KIAA1217: variants seen among roughly 807,000 people sequenced by gnomAD.
The protein encoded by KIAA1217 is sickle tail protein homolog.
A neutral mutation model predicts 163.9 loss-of-function variants in KIAA1217; 88 were observed. The observed-to-expected ratio is 0.54, with a 90% CI of 0.45 to 0.64. The LOEUF (loss-of-function observed/expected upper bound fraction) is 0.64. Among genes scored for constraint, KIAA1217 ranks in the 30% least tolerant of loss-of-function variants. The pLI, the probability that KIAA1217 is intolerant of heterozygous loss-of-function variation, is 0.00. For missense variants in KIAA1217, 2,372 were observed against 2,475.0 expected (o/e 0.96, Z 0.88); for synonymous variants, 903 against 923.1 (o/e 0.98, Z 0.39).
chr10:23,953,398 C>T (rs1844425089), intron 1 of KIAA1217, among the ~76,000 whole-genome samples: 1 of 152,086 alleles, frequency 6.6e-6, no homozygotes, highest in Non-Finnish European at 1.5e-5. Flanking sequence ...CTCAACATAC[C>T]AAGGAAAGGG....
chr10:24,247,122 T>C (rs1196776464), intron 2 of KIAA1217, among the ~76,000 whole-genome samples: 1 of 76,218 alleles, frequency 1.3e-5, no homozygotes, highest in African/African-American at 9.3e-5. Flanking sequence ...TTATTTTCTT[T>C]TCTTTTTTTT....
intron 3 of KIAA1217, among the ~76,000 whole-genome samples, chr10:24,429,154 C>T (rs1043542655): frequency 2.0e-5 from 3 of 152,100 alleles, no homozygotes; most frequent in African/African-American, 7.2e-5. Flanking sequence ...AAAGGCATTG[C>T]TCCATTATCT....
intron 1 of KIAA1217, among the ~76,000 whole-genome samples, chr10:23,893,919 G>A (rs1007835656): frequency 1.3e-5 from 2 of 151,856 alleles, no homozygotes; most frequent in African/African-American, 4.8e-5. Context: ...TGCAGAAAAG[G>A]CCTTTGACAA....
chr10:23,807,075 G>A (rs1352656201), intron 1 of KIAA1217, among the ~76,000 whole-genome samples: 1 of 152,236 alleles, frequency 6.6e-6, no homozygotes, highest in Non-Finnish European at 1.5e-5. Flanking sequence ...AGAGCAGGGA[G>A]CTAAGCTCTG....
At chr10:23,721,378 T>A (rs980475979) in intron 1 of KIAA1217, among the ~76,000 whole-genome samples, 7 of 152,230 alleles carry the variant, frequency 4.6e-5, no homozygotes, top group Non-Finnish European at 1.0e-4. Context: ...CTGACTCTGA[T>A]GGACCCCACG....
chr10:24,316,691 C>G lies in KIAA1217; in HGVS notation c.355-64178C>G, dbSNP rs143946751. ...ATGGGGGCTGAGACTACAGGATACC[C>G]CATCCCATTTCTGTCCTCTGTCCTT... On this transcript the variant is annotated intron_variant, in intron 2 of 20. Coordinates refer to ENST00000376454, the MANE Select transcript of KIAA1217 (RefSeq NM_019590.5). Among the ~76,000 whole-genome samples the G allele has an allele frequency of 2.2e-3, 334 of 152,240 alleles. 1 individual carries two copies. The highest frequency in any genetic ancestry group is 3.7e-3 in the Non-Finnish European group (255 of 68,004).
chr10:24,066,609 C>T (rs2060958030), intron 2 of KIAA1217, among the ~76,000 whole-genome samples: 1 of 152,108 alleles, frequency 6.6e-6, no homozygotes, highest in Admixed American at 6.6e-5. Context: ...GTGAATCTGA[C>T]AATTATGTGT....
intron 2 of KIAA1217, among the ~76,000 whole-genome samples, chr10:24,137,639 G>T (rs1187360574): frequency 6.6e-6 from 1 of 152,184 alleles, no homozygotes; most frequent in Non-Finnish European, 1.5e-5. Context: ...TACATAAAAT[G>T]TGACATGCCA....
chr10:24,529,744 C>T (rs2072822145), intron 14 of KIAA1217, among the ~76,000 whole-genome samples: 1 of 152,006 alleles, frequency 6.6e-6, no homozygotes, highest in Non-Finnish European at 1.5e-5. Context: ...AGTGACTTTC[C>T]TCTCACAGTC....
In KIAA1217 at chr10:23,790,937, C is replaced by T. The variant is rs1835918500; in HGVS notation, c.-321+95703C>T. On this transcript the variant is annotated intron_variant, in intron 1 of 18. Transcript: ENST00000376462. Reference sequence around the variant, plus strand: ...TTTTTGTAGAGTCAGGGTTTTGCCACGTTGCCAGGGTGGTCTCAAACTCCT... The same window carrying T: ...TTTTTGTAGAGTCAGGGTTTTGCCATGTTGCCAGGGTGGTCTCAAACTCCT... 2.0e-5 allele frequency among the ~76,000 whole-genome samples: 3 copies of T among 151,912 alleles called. No individual in the cohort carries two copies. The South Asian group carries it at 6.2e-4, about 32-fold the overall frequency.
At chr10:24,366,147 A>G (rs2050751390) in intron 2 of KIAA1217, among the ~76,000 whole-genome samples, 1 of 152,272 alleles carries the variant, frequency 6.6e-6, no homozygotes, top group East Asian at 1.9e-4. Flanking sequence ...TTAAAAAGTT[A>G]AGTTGCTCAA....
At chr10:24,482,326 C>T (rs2064820463) in intron 6 of KIAA1217, 1 of 152,184 alleles carries the variant, frequency 6.6e-6, no homozygotes, top group African/African-American at 2.4e-5. Context: ...AAGTCTGAGA[C>T]CAGAAACTTA....
chr10:24,404,107 G>A (rs769090219), intron 3 of KIAA1217, among the ~76,000 whole-genome samples: 40 of 152,224 alleles, frequency 2.6e-4, no homozygotes, highest in Admixed American at 5.2e-4. Context: ...AAAGGAGCAC[G>A]CCACCATGCC....
At chr10:23,703,900 T>G (rs933732283) in intron 1 of KIAA1217, among the ~76,000 whole-genome samples, 1 of 151,272 alleles carries the variant, frequency 6.6e-6, no homozygotes, top group Admixed American at 6.6e-5. Flanking sequence ...TTTGAAAATG[T>G]AAAAACTGCA....
Position 23,968,196 on chromosome 10 carries a change from C to T in KIAA1217, c.-320-39029C>T, listed in dbSNP as rs547507532. On this transcript the variant is annotated intron_variant, in intron 1 of 18. Coordinates refer to the KIAA1217 transcript ENST00000376462. ...TTCATATGTATGTGCATATATAAATCTAAGAATCTATATTGCATCAAAGGC... is the reference window on the plus strand; with the variant it reads ...TTCATATGTATGTGCATATATAAATTTAAGAATCTATATTGCATCAAAGGC... Among the ~76,000 whole-genome samples the T allele has an allele frequency of 4.6e-5, 7 of 152,120 alleles. No homozygotes were observed. In the South Asian group the frequency reaches 1.5e-3, roughly 32 times the overall value.
intron 1 of KIAA1217, among the ~76,000 whole-genome samples, chr10:23,880,892 G>A (rs1408392819): frequency 2.0e-5 from 3 of 151,944 alleles, no homozygotes; most frequent in South Asian, 4.1e-4. Context: ...GCCACATTCG[G>A]CTGCTTGCCT....
intron 1 of KIAA1217, among the ~76,000 whole-genome samples, chr10:23,972,093 C>G (rs4237364): frequency 0.026 from 3,912 of 152,250 alleles, 118 homozygotes; most frequent in East Asian, 0.13. Flanking sequence ...AGCCTGACCA[C>G]TTTGGGTACA....
intron 1 of KIAA1217, among the ~76,000 whole-genome samples, chr10:23,828,639 G>A (rs1462351650): frequency 6.6e-6 from 1 of 152,138 alleles, no homozygotes; most frequent in Admixed American, 6.6e-5. Flanking sequence ...AAAAGCATCT[G>A]TCCTCCAATG....
At chr10:24,031,170 TC>T (rs373184755) in intron 2 of KIAA1217, among the ~76,000 whole-genome samples, 4 of 152,204 alleles carry the variant, frequency 2.6e-5, no homozygotes, top group African/African-American at 9.6e-5. Context: ...TTCAACTTTT[TC>T]ACATTCCCAC....
Sources: allele counts gnomAD v4.1 joint callset (sites outside exome capture counted in the v4.1 genomes callset), GRCh38; gene constraint gnomAD v4.1.1; transcripts MANE v1.5; gene names NCBI Gene and HGNC (gene_info 2026-07-23, HGNC 2026-07-21).